The following SAMD4A variants were observed in gnomAD, a reference collection of about 807,000 sequenced individuals.
The protein encoded by SAMD4A is sterile alpha motif domain containing 4A, also known as protein Smaug homolog 1.
A neutral mutation model predicts 81.3 loss-of-function variants in SAMD4A; 33 were observed. That is an observed-to-expected ratio of 0.41 (90% CI 0.31 to 0.54). SAMD4A has a LOEUF of 0.54. Ranked by LOEUF, SAMD4A falls within the 20% of genes least tolerant of loss-of-function variation. The pLI is 0.37. For missense variants in SAMD4A, 854 were observed against 951.1 expected (o/e 0.90, Z 1.34); for synonymous variants, 389 against 382.1 (o/e 1.02, Z -0.21).
chr14:54,756,340 C>A (rs2139841334), intron 6 of SAMD4A, among the ~76,000 whole-genome samples: 1 of 152,240 alleles, frequency 6.6e-6, no homozygotes. Flanking sequence ...TCATCTCTGG[C>A]CACCCTGAGC....
chr14:54,724,062 C>T (rs1021448816), intron 3 of SAMD4A, among the ~76,000 whole-genome samples: 11 of 69,692 alleles, frequency 1.6e-4, no homozygotes, highest in East Asian at 4.7e-4. Context: ...TAATGCAGGA[C>T]GCATCTATTC....
At chr14:54,608,126 TAAG>T (rs1273478446) in intron 2 of SAMD4A, among the ~76,000 whole-genome samples, 1 of 152,120 alleles carries the variant, frequency 6.6e-6, no homozygotes, top group Non-Finnish European at 1.5e-5. Context: ...CCATTTGGAC[TAAG>T]AAGGCCTGAA....
At chr14:54,744,691 T>C (rs1275999544) in intron 4 of SAMD4A, among the ~76,000 whole-genome samples, 2 of 152,152 alleles carry the variant, frequency 1.3e-5, no homozygotes, top group African/African-American at 2.4e-5. Flanking sequence ...CTCCTTGCAC[T>C]TCCCCCTGAA....
intron 2 of SAMD4A, among the ~76,000 whole-genome samples, chr14:54,615,892 C>G (rs988065497): frequency 4.6e-5 from 7 of 152,044 alleles, no homozygotes; most frequent in South Asian, 2.1e-4. Flanking sequence ...TCCCCTCCCC[C>G]CCGATAGAAG....
At chr14:54,622,279 G>A (rs984418939) in intron 2 of SAMD4A, among the ~76,000 whole-genome samples, 2 of 152,170 alleles carry the variant, frequency 1.3e-5, no homozygotes, top group Admixed American at 1.3e-4. Flanking sequence ...TTCCATTTGT[G>A]TTCTTAATAC....
chr14:54,748,200 T>C (rs746319736), intron 4 of SAMD4A, among the ~76,000 whole-genome samples: 4 of 152,226 alleles, frequency 2.6e-5, no homozygotes, highest in African/African-American at 7.2e-5. Context: ...GGGATCAGGA[T>C]GCCCTTTTTC....
chr14:54,621,170 C>T (rs1462511464), intron 2 of SAMD4A, among the ~76,000 whole-genome samples: 1 of 152,086 alleles, frequency 6.6e-6, no homozygotes, highest in Admixed American at 6.5e-5. Context: ...ATTTCAACTC[C>T]CTGATTTCCT....
intron 8 of SAMD4A, among the ~76,000 whole-genome samples, chr14:54,768,398 T>A (rs144277084): frequency 6.6e-6 from 1 of 152,152 alleles, no homozygotes; most frequent in Non-Finnish European, 1.5e-5. Context: ...GAGGGAGATA[T>A]TATTATCCTC....
Position 54,791,790 on chromosome 14 carries a change from TCAAA to T in SAMD4A, c.*2849_*2852del, listed in dbSNP as rs1412672615. 2 of 152,230 alleles carry T rather than the reference TCAAA, an allele frequency of 1.3e-5. No individual in the cohort carries two copies. The highest frequency in any genetic ancestry group is 4.8e-5 in the African/African-American group (2 of 41,468). 9.4% of individuals were successfully genotyped at this position (152,230 alleles called of 1,614,324 possible). A position where few individuals can be genotyped will look rare whatever the true frequency, so the allele number is the denominator to read the frequency against. On this transcript the variant is annotated 3_prime_UTR_variant, in exon 13 of 13. Transcript: ENST00000554335. ...CAAAAGAATTTTATTTATAAAAGAA[TCAAA>T]CAGTTGCATGCATGAGGCTGTGAAG...
intron 2 of SAMD4A, among the ~76,000 whole-genome samples, chr14:54,604,394 C>G (rs2034143067): frequency 2.0e-5 from 3 of 152,186 alleles, no homozygotes; most frequent in African/African-American, 7.2e-5. Flanking sequence ...TGGGAAGAGG[C>G]TCTTGAATCA....
chr14:54,772,222 T>G (rs1204898104), intron 9 of SAMD4A, among the ~76,000 whole-genome samples: 1 of 152,218 alleles, frequency 6.6e-6, no homozygotes, highest in African/African-American at 2.4e-5. Context: ...AGACTTTTCA[T>G]GCATTTCAAC....
intron 2 of SAMD4A, among the ~76,000 whole-genome samples, chr14:54,685,282 C>CA (rs1555343068): frequency 1.4e-5 from 2 of 139,734 alleles, no homozygotes; most frequent in Non-Finnish European, 3.0e-5. Flanking sequence ...CTGCCCCCCC[C>CA]CCCAGCTCCT....
At chr14:54,597,584 C>CT (rs71127662) in intron 2 of SAMD4A, among the ~76,000 whole-genome samples, 959 of 90,846 alleles carry the variant, frequency 0.011, 19 homozygotes, top group East Asian at 0.036. Context: ...TTCCTTCTAT[C>CT]TTTTTTTTTT....
chr14:54,739,276 G>A (rs913460074), intron 4 of SAMD4A, among the ~76,000 whole-genome samples: 5 of 151,952 alleles, frequency 3.3e-5, no homozygotes, highest in African/African-American at 1.2e-4. Context: ...CTAAGCCTCT[G>A]TGATTCCTTT....
At chr14:54,579,322 T>G (rs1489561075) in intron 2 of SAMD4A, among the ~76,000 whole-genome samples, 1 of 152,250 alleles carries the variant, frequency 6.6e-6, no homozygotes. Context: ...TCCCACAAAG[T>G]AGATACTATC....
intron 2 of SAMD4A, among the ~76,000 whole-genome samples, chr14:54,575,558 A>G (rs557214421): frequency 6.6e-6 from 1 of 152,186 alleles, no homozygotes; most frequent in Admixed American, 6.5e-5. Context: ...CAAGGTGGAC[A>G]CTGTAGTCAG....
chr14:54,757,097 T>C (rs536734137), intron 6 of SAMD4A, among the ~76,000 whole-genome samples: 35 of 152,226 alleles, frequency 2.3e-4, no homozygotes, highest in Non-Finnish European at 4.7e-4. Flanking sequence ...GGGTGCTAGA[T>C]TGATTTCCAT....
intron 2 of SAMD4A, among the ~76,000 whole-genome samples, chr14:54,624,931 C>T (rs2034709829): frequency 6.6e-6 from 1 of 152,062 alleles, no homozygotes; most frequent in Non-Finnish European, 1.5e-5. Context: ...GGGATTTTGT[C>T]ACTAATAGAA....
rs1403235084 is a variant in SAMD4A at position 54,792,795 on chromosome 14, G to A, written c.*3851G>A. On this transcript the variant is annotated 3_prime_UTR_variant, in exon 13 of 13. Coordinates refer to ENST00000554335, the MANE Select transcript of SAMD4A (RefSeq NM_015589.6). ...TTTATCTTTACTTAAAGGTGAATGT[G>A]TATTCCTCTGGGAGGAATAGGAAGA... 1 of 151,864 alleles carries A rather than the reference G, an allele frequency of 6.6e-6. No homozygotes were observed. The highest frequency in any genetic ancestry group is 1.5e-5 in the Non-Finnish European group (1 of 68,000). 9.4% of individuals were successfully genotyped at this position (151,864 alleles called of 1,614,324 possible).
Sources: gnomAD v4.1 joint callset for allele counts (sites outside exome capture counted in the v4.1 genomes callset) on GRCh38, gnomAD v4.1.1 for gene constraint, MANE v1.5 for transcripts, NCBI Gene and HGNC (gene_info 2026-07-23, HGNC 2026-07-21) for gene names.